The following TCF20 variants were observed in gnomAD, a reference collection of about 807,000 sequenced individuals.
TCF20 encodes the protein transcription factor 20.
Under a neutral mutation model 148.6 loss-of-function variants are expected in TCF20, and 3 were observed. The ratio of observed to expected loss-of-function variants is 0.02; its 90% CI spans 0.01 to 0.05. The LOEUF (loss-of-function observed/expected upper bound fraction) is 0.05, where lower values mean the gene tolerates loss of function less well. Ranked by LOEUF, TCF20 falls within the 10% of genes least tolerant of loss-of-function variation. TCF20 has a pLI of 1.00. For synonymous variants in TCF20, 1,049 were observed against 909.5 expected (o/e 1.15, Z -2.76); for missense variants, 2,350 against 2,429.3 (o/e 0.97, Z 0.69).
rs924301292 is a variant in TCF20, at chr22:42,164,739, G to A, written c.*45-3381C>T. On this transcript the variant is annotated intron_variant, in intron 5 of 5. Transcript: ENST00000677622. ...CGAGGAGGGGGGCAATGGAGACAAG[G>A]ATTTAGAAAGGGAAAGGCTTCTCTG... Among the ~76,000 whole-genome samples, 3 of 152,344 alleles carry A rather than the reference G, an allele frequency of 2.0e-5. No individual in the cohort carries two copies. The East Asian group carries it at 5.8e-4, about 29-fold the overall frequency.
Position 42,214,535 on chromosome 22 carries a change from T to C in TCF20, c.771A>G (p.Gly257=). ...CATTGTAACTGCCATCATAGCTCTG[T>C]CCAGACTGGCTAAAACGCTGTGGTG... ...FPSPQRFSQS[G]QSYDGSYNVN... Residue 257 remains glycine (G), a synonymous_variant, in exon 2 of 6, where the codon GGA becomes GGG. Coordinates refer to ENST00000677622, the MANE Select transcript of TCF20 (RefSeq NM_001378418.1). 1 of 1,614,138 alleles carries C rather than the reference T, an allele frequency of 6.2e-7. No homozygotes were observed. The highest frequency in any genetic ancestry group is 1.1e-5 in the South Asian group (1 of 91,078).
intron 2 of TCF20, among the ~76,000 whole-genome samples, chr22:42,197,339 T>C (rs1462996324): frequency 6.6e-6 from 1 of 151,556 alleles, no homozygotes; most frequent in African/African-American, 2.4e-5. Flanking sequence ...TTTTTTTTTT[T>C]TGAGATGGAG....
At chr22:42,190,987 C>T (rs190857492) in intron 2 of TCF20, among the ~76,000 whole-genome samples, 1 of 152,102 alleles carries the variant, frequency 6.6e-6, no homozygotes, top group Non-Finnish European at 1.5e-5. Flanking sequence ...GGGTTTACAG[C>T]CTTCAGGTTC....
intron 1 of TCF20, among the ~76,000 whole-genome samples, chr22:42,323,903 A>AGGTGGTGGTGGTGATGGAGGTTATGGT (rs1569209669): frequency 5.3e-4 from 9 of 16,878 alleles, no homozygotes; most frequent in South Asian, 1.9e-3. Flanking sequence ...ATGGTGGTGG[A>AGGTGGTGGTGGTGATGGAGGTTATGGT]GGTGGTGGTG....
chr22:42,268,435 T>C (rs898912016), intron 1 of TCF20, among the ~76,000 whole-genome samples: 2 of 152,220 alleles, frequency 1.3e-5, no homozygotes, highest in African/African-American at 4.8e-5. Context: ...AGATAATCAG[T>C]GCACCCTGAG....
At chr22:42,300,190 G>C (rs1927311675) in intron 1 of TCF20, among the ~76,000 whole-genome samples, 1 of 152,094 alleles carries the variant, frequency 6.6e-6, no homozygotes. Context: ...AGGGGAGGCA[G>C]GTTTTGAAAC....
chr22:42,280,497 T>A (rs1213308076), intron 1 of TCF20, among the ~76,000 whole-genome samples: 2 of 152,208 alleles, frequency 1.3e-5, no homozygotes, highest in Non-Finnish European at 2.9e-5. Flanking sequence ...CTGGGGCTTT[T>A]CCCTGCACAC....
chr22:42,225,266 G>A lies in TCF20; in HGVS notation c.-36-9925C>T, dbSNP rs374669234. On this transcript the variant is annotated intron_variant, in intron 1 of 5. Coordinates refer to ENST00000677622, the MANE Select transcript of TCF20 (RefSeq NM_001378418.1). The stretch of plus-strand genomic sequence containing the variant: ...CTGTCTTGGCTTCCCAAAGTGCTGC[G>A]ATTACAGGGTGAGCCACAGTGCTCA... Among the ~76,000 whole-genome samples, 6 of 151,918 alleles carry A rather than the reference G, an allele frequency of 3.9e-5. No homozygotes were observed. In the East Asian group the frequency reaches 5.8e-4, roughly 15 times the overall value.
intron 1 of TCF20, among the ~76,000 whole-genome samples, chr22:42,249,747 A>T (rs1228338545): frequency 6.6e-6 from 1 of 152,228 alleles, no homozygotes; most frequent in African/African-American, 2.4e-5. Context: ...CTGCCAAATT[A>T]TTCAATGGTG....
intron 1 of TCF20, among the ~76,000 whole-genome samples, chr22:42,223,057 G>A (rs921908954): frequency 2.6e-5 from 4 of 152,176 alleles, no homozygotes; most frequent in African/African-American, 9.7e-5. Flanking sequence ...GCTGAGGCAG[G>A]AGGATCACTT....
At chr22:42,183,861 C>A (rs536691501) in intron 2 of TCF20, among the ~76,000 whole-genome samples, 5 of 151,808 alleles carry the variant, frequency 3.3e-5, no homozygotes, top group African/African-American at 1.2e-4. Context: ...CTCCACCTCC[C>A]GGGTTCAAGC....
chr22:42,314,726 G>A (rs1278450738), intron 1 of TCF20, among the ~76,000 whole-genome samples: 4 of 152,230 alleles, frequency 2.6e-5, no homozygotes, highest in African/African-American at 2.4e-5. Context: ...GCAAGCACCC[G>A]GTGGATGTCT....
At chr22:42,231,476 T>A (rs1045690917) in intron 1 of TCF20, among the ~76,000 whole-genome samples, 2 of 151,876 alleles carry the variant, frequency 1.3e-5, no homozygotes, top group Non-Finnish European at 2.9e-5. Flanking sequence ...TAAGACCTTA[T>A]CTCTAAGAGT....
intron 1 of TCF20, among the ~76,000 whole-genome samples, chr22:42,258,064 C>CA (rs757141319): frequency 6.6e-6 from 1 of 152,126 alleles, no homozygotes; most frequent in Non-Finnish European, 1.5e-5. Flanking sequence ...AAGTTGTGTC[C>CA]AAATCACTGG....
chr22:42,336,495 C>T (rs1277333534), intron 1 of TCF20, among the ~76,000 whole-genome samples: 1 of 152,068 alleles, frequency 6.6e-6, no homozygotes, highest in African/African-American at 2.4e-5. Context: ...CCCCATGCCA[C>T]GTGGACTCTC....
intron 3 of TCF20, among the ~76,000 whole-genome samples, chr22:42,173,640 T>C (rs966936936): frequency 2.0e-5 from 3 of 152,176 alleles, no homozygotes; most frequent in African/African-American, 7.2e-5. Context: ...CAAAGTTACA[T>C]CATACACAGA....
chr22:42,254,959 C>CAAAAAAAAAAAA (rs10625678), intron 1 of TCF20, among the ~76,000 whole-genome samples: 2 of 62,810 alleles, frequency 3.2e-5, no homozygotes, highest in African/African-American at 1.9e-4. Context: ...GACTCCGTCT[C>CAAAAAAAAAAAA]AAAAAAAAAA....
intron 2 of TCF20, among the ~76,000 whole-genome samples, chr22:42,183,405 C>T (rs1183902988): frequency 1.3e-5 from 2 of 152,146 alleles, no homozygotes; most frequent in African/African-American, 4.8e-5. Context: ...ATCACACAGG[C>T]CCATAAAAGC....
chr22:42,213,053 G>T lies in TCF20; in HGVS notation c.2253C>A (p.Ser751Arg). The T allele has an allele frequency of 6.2e-7, 1 of 1,614,098 alleles. No homozygotes were observed. The highest frequency in any genetic ancestry group is 8.5e-7 in the Non-Finnish European group (1 of 1,179,986). ...ERKGRNEKFPSLLQEVLQGYH... is the reference protein window; with the variant it reads ...ERKGRNEKFPRLLQEVLQGYH... ...AACCCTGAAGCACTTCCTGCAGGAG[G>T]CTTGGGAATTTTTCATTTCTACCCT... The change falls in exon 2 of 6, where the codon AGC becomes AGA. Residue 751 changes from serine (S) to arginine (R), a missense_variant. By Grantham distance (110) the Ser-to-Arg change is moderately radical (BLOSUM62 -1). Transcript: ENST00000677622.
Sources: allele counts gnomAD v4.1 joint callset (sites outside exome capture counted in the v4.1 genomes callset), GRCh38; gene constraint gnomAD v4.1.1; transcripts MANE v1.5; gene names NCBI Gene and HGNC (gene_info 2026-07-23, HGNC 2026-07-21).